Variants in KCNIP4 observed in about 807,000 individuals in gnomAD.
KCNIP4 encodes the protein Kv channel-interacting protein 4.
A neutral mutation model predicts 34.0 loss-of-function variants in KCNIP4; 12 were observed. The ratio of observed to expected loss-of-function variants is 0.35; its 90% CI spans 0.23 to 0.57. The LOEUF (loss-of-function observed/expected upper bound fraction) is 0.57. Ranked by LOEUF, KCNIP4 falls within the 20% of genes least tolerant of loss-of-function variation. The probability of loss-of-function intolerance (pLI) is 0.83; values close to 1 mark genes in which losing one functional copy is unlikely to be tolerated. For missense variants in KCNIP4, 238 were observed against 311.7 expected, an observed-to-expected ratio of 0.76 and a Z score of 1.78; for synonymous variants, 124 against 102.2, an observed-to-expected ratio of 1.21 and a Z score of -1.29.
intron 1 of KCNIP4, among the ~76,000 whole-genome samples, chr4:21,626,005 TG>T (rs1225741492): frequency 1.3e-5 from 2 of 152,192 alleles, no homozygotes; most frequent in African/African-American, 2.4e-5. Flanking sequence ...GCTTCCTAGT[TG>T]AATTTTAATT....
intron 1 of KCNIP4, among the ~76,000 whole-genome samples, chr4:21,543,495 G>A (rs1176998631): frequency 6.6e-6 from 1 of 151,798 alleles, no homozygotes; most frequent in Non-Finnish European, 1.5e-5. Context: ...CTACAATAGA[G>A]GTATTAGATG....
chr4:21,041,232 A>T (rs900717537), intron 1 of KCNIP4, among the ~76,000 whole-genome samples: 1 of 93,574 alleles, frequency 1.1e-5, no homozygotes, highest in South Asian at 3.4e-4. Flanking sequence ...TATATATTTC[A>T]CACACACACA....
chr4:21,322,189 G>A (rs981624100), intron 1 of KCNIP4, among the ~76,000 whole-genome samples: 6 of 151,334 alleles, frequency 4.0e-5, no homozygotes, highest in African/African-American at 1.5e-4. Flanking sequence ...AGGAAGGAAG[G>A]AAATGAGGGA....
chr4:21,696,442 T>C (rs1338333905), intron 1 of KCNIP4, among the ~76,000 whole-genome samples: 1 of 152,144 alleles, frequency 6.6e-6, no homozygotes, highest in Non-Finnish European at 1.5e-5. Flanking sequence ...TTTCTCTTTA[T>C]TTAGATTAAA....
At chr4:21,206,922 G>A (rs1367347087) in intron 1 of KCNIP4, among the ~76,000 whole-genome samples, 1 of 152,184 alleles carries the variant, frequency 6.6e-6, no homozygotes, top group Non-Finnish European at 1.5e-5. Context: ...TTGTTGGAGA[G>A]TTCTACATGT....
intron 1 of KCNIP4, among the ~76,000 whole-genome samples, chr4:21,355,997 C>T (rs1377329709): frequency 6.6e-6 from 1 of 152,182 alleles, no homozygotes; most frequent in Non-Finnish European, 1.5e-5. Flanking sequence ...ACTGGTTCAA[C>T]ATACGCAAAT....
chr4:21,248,007 C>A (rs1339948071), intron 1 of KCNIP4, among the ~76,000 whole-genome samples: 2 of 144,102 alleles, frequency 1.4e-5, no homozygotes, highest in African/African-American at 2.6e-5. Context: ...ACACACACCC[C>A]CCACAGGTGG....
At chr4:20,880,766 C>A (rs552232667) in intron 2 of KCNIP4, among the ~76,000 whole-genome samples, 44 of 152,246 alleles carry the variant, frequency 2.9e-4, no homozygotes, top group African/African-American at 9.6e-4. Context: ...TAATAACCAA[C>A]AATCTTTGAC....
intron 1 of KCNIP4, among the ~76,000 whole-genome samples, chr4:21,945,040 T>C (rs1730428512): frequency 6.6e-6 from 1 of 152,144 alleles, no homozygotes; most frequent in Admixed American, 6.6e-5. Context: ...GAGAGGCTAT[T>C]AAGTAAAAAA....
intron 1 of KCNIP4, among the ~76,000 whole-genome samples, chr4:21,651,547 T>C (rs750947478): frequency 6.6e-6 from 1 of 152,242 alleles, no homozygotes; most frequent in Non-Finnish European, 1.5e-5. Context: ...TGTGTGCAAT[T>C]GGGTGACCAA....
At chr4:21,939,363 T>C (rs144517422) in intron 1 of KCNIP4, among the ~76,000 whole-genome samples, 1,846 of 152,282 alleles carry the variant, frequency 0.012, 20 homozygotes, top group Middle Eastern at 0.017. Context: ...CCTTCCAGCT[T>C]CCCAGTTTAG....
intron 1 of KCNIP4, among the ~76,000 whole-genome samples, chr4:20,968,029 C>T (rs1432586999): frequency 6.6e-6 from 1 of 152,022 alleles, no homozygotes; most frequent in Non-Finnish European, 1.5e-5. Flanking sequence ...GCAATCTACC[C>T]ATCTGACAAA....
In KCNIP4 at chr4:20,734,738, G is replaced by A; in HGVS notation, c.430-3C>T. 3 of 1,514,652 alleles carry A rather than the reference G, an allele frequency of 2.0e-6. No individual in the cohort carries two copies. The highest frequency in any genetic ancestry group is 2.7e-6 in the Non-Finnish European group (3 of 1,119,456). The allele number at this position is 1,514,652 out of a possible 1,614,324, so 93.8% of individuals were successfully genotyped here. On this transcript the variant is annotated splice_polypyrimidine_tract_variant and splice_region_variant and intron_variant, in intron 5 of 8. Transcript: ENST00000382152. Reference sequence around the variant, plus strand: ...ATGGAAAGACCTTTGATGAAATCCTGAAAAGAAATAAAAATTCAATTTTAT... The same window carrying A: ...ATGGAAAGACCTTTGATGAAATCCTAAAAAGAAATAAAAATTCAATTTTAT...
intron 1 of KCNIP4, among the ~76,000 whole-genome samples, chr4:20,942,629 T>C (rs1287389139): frequency 2.0e-5 from 3 of 152,202 alleles, no homozygotes; most frequent in Non-Finnish European, 2.9e-5. Context: ...ATGGTAGGTC[T>C]ATAATACAAA....
intron 1 of KCNIP4, among the ~76,000 whole-genome samples, chr4:20,967,794 G>A (rs1247710384): frequency 2.0e-5 from 3 of 152,112 alleles, no homozygotes; most frequent in African/African-American, 7.2e-5. Flanking sequence ...ATGGATTAAA[G>A]ACTTAAATGT....
chr4:21,021,057 C>T (rs1439074682), intron 1 of KCNIP4, among the ~76,000 whole-genome samples: 1 of 152,032 alleles, frequency 6.6e-6, no homozygotes, highest in Non-Finnish European at 1.5e-5. Flanking sequence ...AAGGCATAAC[C>T]GACTACACAC....
At chr4:20,810,878 A>T (rs996653362) in intron 3 of KCNIP4, among the ~76,000 whole-genome samples, 4 of 152,190 alleles carry the variant, frequency 2.6e-5, no homozygotes, top group Admixed American at 2.6e-4. Flanking sequence ...AATGCAGCTG[A>T]TTTCTTGCTA....
intron 1 of KCNIP4, among the ~76,000 whole-genome samples, chr4:21,906,461 G>A (rs1728007247): frequency 6.6e-6 from 1 of 152,304 alleles, no homozygotes; most frequent in Non-Finnish European, 1.5e-5. Context: ...ACCAGACTCT[G>A]GAAGAGGCAA....
chr4:20,948,751 CTTTGT>C (rs1732460371), intron 1 of KCNIP4, among the ~76,000 whole-genome samples: 1 of 152,080 alleles, frequency 6.6e-6, no homozygotes, highest in Non-Finnish European at 1.5e-5. Context: ...AGATGACTCC[CTTTGT>C]TTTGTTTTCT....
Sources: gnomAD v4.1 joint callset for allele counts (sites outside exome capture counted in the v4.1 genomes callset) on GRCh38, gnomAD v4.1.1 for gene constraint, MANE v1.5 for transcripts, NCBI Gene and HGNC (gene_info 2026-07-23, HGNC 2026-07-21) for gene names.